Variants in CTNNB1 observed in about 807,000 individuals in gnomAD.
CTNNB1 encodes catenin beta-1.
Under a neutral mutation model 82.5 loss-of-function variants are expected in CTNNB1, and 6 were observed. The observed-to-expected ratio is 0.07, with a 90% CI of 0.04 to 0.14. The LOEUF (loss-of-function observed/expected upper bound fraction) is 0.14, where lower values mean the gene tolerates loss of function less well. Ranked by LOEUF, CTNNB1 falls within the 10% of genes least tolerant of loss-of-function variation. The probability of loss-of-function intolerance (pLI) is 1.00; values close to 1 mark genes in which losing one functional copy is unlikely to be tolerated. For missense variants in CTNNB1, 529 were observed against 980.4 expected, an observed-to-expected ratio of 0.54 and a Z score of 6.15; for synonymous variants, 312 against 329.7, an observed-to-expected ratio of 0.95 and a Z score of 0.58.
chr3:41,214,554 C>CGG (rs141309928), intron 1 of CTNNB1, among the ~76,000 whole-genome samples: 21 of 152,002 alleles, frequency 1.4e-4, no homozygotes, highest in East Asian at 5.8e-4. Context: ...AAGATACTTA[C>CGG]GGGGGGGAAC....
chr3:41,203,619 A>C (rs542712553), intron 1 of CTNNB1, among the ~76,000 whole-genome samples: 10 of 152,312 alleles, frequency 6.6e-5, no homozygotes, highest in African/African-American at 2.4e-4. Context: ...ATTAGGAAAT[A>C]GATAGAAATA....
intron 7 of CTNNB1, among the ~76,000 whole-genome samples, chr3:41,227,651 A>G (rs529698330): frequency 1.3e-5 from 2 of 152,354 alleles, no homozygotes; most frequent in South Asian, 2.1e-4. Context: ...CTGTGAATTT[A>G]TAGGAGAAAA....
intron 1 of CTNNB1, among the ~76,000 whole-genome samples, chr3:41,202,846 C>T (rs188454959): frequency 1.3e-5 from 2 of 152,200 alleles, no homozygotes; most frequent in Admixed American, 6.5e-5. Context: ...CCTCTGTTTA[C>T]TTAAGAATGC....
intron 10 of CTNNB1, 148 bp downstream of exon 10, chr3:41,234,445 T>A: frequency 1.2e-6 from 1 of 811,712 alleles, no homozygotes; most frequent in Non-Finnish European, 2.0e-6. Context: ...AATTACACAT[T>A]TCTATGGCTG....
chr3:41,209,749 A>C (rs2077734959), intron 1 of CTNNB1, among the ~76,000 whole-genome samples: 1 of 152,206 alleles, frequency 6.6e-6, no homozygotes, highest in Non-Finnish European at 1.5e-5. Flanking sequence ...ACATAGAAAA[A>C]GTACAGTAAA....
rs141309928 is a variant in CTNNB1, at chr3:41,214,554, C to CG, written c.-48-9460dup. The stretch of plus-strand genomic sequence containing the variant: ...CAGCTTCTTGTTTTGAAGATACTTA[C>CG]GGGGGGGAACACTTTGTGATTTCTC... On this transcript the variant is annotated intron_variant, in intron 1 of 14. Coordinates refer to ENST00000349496, the MANE Select transcript of CTNNB1 (RefSeq NM_001904.4). Among the ~76,000 whole-genome samples the CG allele has an allele frequency of 5.4e-3, 823 of 151,996 alleles. 5 individuals carry two copies. The highest frequency in any genetic ancestry group is 0.026 in the East Asian group (135 of 5,168).
At chr3:41,210,944 C>T (rs1171202893) in intron 1 of CTNNB1, 2 of 440,346 alleles carry the variant, frequency 4.5e-6, no homozygotes, top group Non-Finnish European at 9.1e-6. Context: ...AGGCACCCCA[C>T]CATGCCTGGC....
intron 7 of CTNNB1, among the ~76,000 whole-genome samples, chr3:41,228,121 T>C (rs998582619): frequency 2.0e-5 from 3 of 152,214 alleles, no homozygotes; most frequent in East Asian, 1.9e-4. Flanking sequence ...TAGTCTACCA[T>C]TGATGGGCAT....
intron 1 of CTNNB1, chr3:41,221,730 T>TA (rs1465136697): frequency 6.6e-6 from 1 of 152,222 alleles, no homozygotes; most frequent in Non-Finnish European, 1.5e-5. Flanking sequence ...GAAATGTCCT[T>TA]ATGCAGTGCA....
At chr3:41,213,200 G>A (rs534469952) in intron 1 of CTNNB1, among the ~76,000 whole-genome samples, 17 of 152,274 alleles carry the variant, frequency 1.1e-4, no homozygotes, top group Admixed American at 4.6e-4. Context: ...GATCTCAAGG[G>A]TTAGTTCTTG....
chr3:41,205,353 T>G (rs921294372), intron 1 of CTNNB1, among the ~76,000 whole-genome samples: 1 of 152,246 alleles, frequency 6.6e-6, no homozygotes, highest in African/African-American at 2.4e-5. Flanking sequence ...TAAGTTTATG[T>G]AGGCAGTTAA....
intron 10 of CTNNB1, chr3:41,234,796 G>A (rs11564458): frequency 0.013 from 2,208 of 166,816 alleles, 45 homozygotes; most frequent in African/African-American, 0.042. Flanking sequence ...TCAACCTGAA[G>A]CTTTGATACA....
chr3:41,204,028 G>T lies in CTNNB1; in HGVS notation c.-49+4358G>T, dbSNP rs566563295. 1.5e-4 allele frequency among the ~76,000 whole-genome samples: 23 copies of T among 151,898 alleles called. No homozygotes were observed. The South Asian group carries it at 1.9e-3, about 12-fold the overall frequency. On this transcript the variant is annotated intron_variant, in intron 1 of 14. Transcript: ENST00000349496. ...CTTTACTTTGCCTGTGGAATTCAGT[G>T]TAATTTTGTGGAAACATTGGTATAT...
chr3:41,222,368 C>T (rs1339113103), intron 1 of CTNNB1: 1 of 152,184 alleles, frequency 6.6e-6, no homozygotes, highest in Non-Finnish European at 1.5e-5. Flanking sequence ...ATGCTGTTAC[C>T]TAATTAGATC....
At chr3:41,201,035 G>A (rs996560161) in intron 1 of CTNNB1, among the ~76,000 whole-genome samples, 1 of 152,144 alleles carries the variant, frequency 6.6e-6, no homozygotes, top group Non-Finnish European at 1.5e-5. Flanking sequence ...TTGAAGAGAC[G>A]GCAGCATTTC....
At chr3:41,211,692 G>T (rs2077790516) in intron 1 of CTNNB1, among the ~76,000 whole-genome samples, 1 of 152,148 alleles carries the variant, frequency 6.6e-6, no homozygotes, top group South Asian at 2.1e-4. Context: ...TTGCTACAAA[G>T]GACATGATTT....
chr3:41,216,195 A>G (rs557764175), intron 1 of CTNNB1, among the ~76,000 whole-genome samples: 67 of 152,344 alleles, frequency 4.4e-4, no homozygotes, highest in African/African-American at 1.5e-3. Flanking sequence ...GGAAGATTCA[A>G]TGAGATAACA....
Position 41,224,650 on chromosome 3 carries a change from G to A in CTNNB1, c.138G>A (p.Leu46=), listed in dbSNP as rs777192093. 8 of 1,613,838 alleles carry A rather than the reference G, an allele frequency of 5.0e-6. No homozygotes were observed. In the South Asian group the frequency reaches 7.7e-5, roughly 16 times the overall value. ...HSGATTTAPS[L]SGKGNPEEED... Reference sequence around the variant, plus strand: ...GTGCCACTACCACAGCTCCTTCTCTGAGTGGTAAAGGCAATCCTGAGGAAG... The same window carrying A: ...GTGCCACTACCACAGCTCCTTCTCTAAGTGGTAAAGGCAATCCTGAGGAAG... The change falls in exon 3 of 15, where the codon CTG becomes CTA. Residue 46 remains leucine, a synonymous_variant. Coordinates refer to ENST00000349496, the MANE Select transcript of CTNNB1 (RefSeq NM_001904.4).
chr3:41,223,981 T>C lies in CTNNB1; in HGVS notation c.-48-40T>C. 12 of 1,415,184 alleles carry C rather than the reference T, an allele frequency of 8.5e-6. No homozygotes were observed. The South Asian group carries it at 1.4e-4, about 16-fold the overall frequency. 87.7% of individuals were successfully genotyped at this position (1,415,184 alleles called of 1,614,324 possible). A position where few individuals can be genotyped will look rare whatever the true frequency, so the allele number is the denominator to read the frequency against. On this transcript the variant is annotated intron_variant, in intron 1 of 14. Coordinates refer to ENST00000349496, the MANE Select transcript of CTNNB1 (RefSeq NM_001904.4). ...AGTGACTTAGGAGTATTAATCAAGC[T>C]AAATTTAAATCCTAATGACTTTTGA... is the stretch of plus-strand genomic sequence containing the variant.
Sources: gnomAD v4.1 joint callset for allele counts (sites outside exome capture counted in the v4.1 genomes callset) on GRCh38, gnomAD v4.1.1 for gene constraint, MANE v1.5 for transcripts, NCBI Gene and HGNC (gene_info 2026-07-23, HGNC 2026-07-21) for gene names.